RAB3B: variants seen among roughly 807,000 people sequenced by gnomAD.
The protein encoded by RAB3B is RAB3B, member RAS oncogene family.
A neutral mutation model predicts 20.5 loss-of-function variants in RAB3B; 11 were observed. That is an observed-to-expected ratio of 0.54 (90% confidence interval 0.34 to 0.89). RAB3B has a LOEUF of 0.89. Ranked by LOEUF, RAB3B falls within the 40% of genes least tolerant of loss-of-function variation. The pLI, the probability that RAB3B is intolerant of heterozygous loss-of-function variation, is 0.02. For missense variants in RAB3B, 225 were observed against 280.9 expected (o/e 0.80, Z 1.42); for synonymous variants, 99 against 106.3 (o/e 0.93, Z 0.42).
intron 2 of RAB3B, among the ~76,000 whole-genome samples, chr1:51,968,990 TTTAA>T (rs758110532): frequency 1.2e-4 from 18 of 152,222 alleles, no homozygotes; most frequent in Non-Finnish European, 1.6e-4. Flanking sequence ...TATCTATGTC[TTTAA>T]TTATAGTAAG....
chr1:51,932,337 A>G (rs1684337910), intron 4 of RAB3B, among the ~76,000 whole-genome samples: 1 of 152,174 alleles, frequency 6.6e-6, no homozygotes, highest in South Asian at 2.1e-4. Flanking sequence ...CAGTACATCT[A>G]TTCTAGAGGA....
At chr1:51,932,019 C>T (rs1684333739) in intron 4 of RAB3B, among the ~76,000 whole-genome samples, 1 of 152,098 alleles carries the variant, frequency 6.6e-6, no homozygotes, top group East Asian at 1.9e-4. Flanking sequence ...CTCTGAGAAC[C>T]TCTGTGATAG....
intron 2 of RAB3B, among the ~76,000 whole-genome samples, chr1:51,974,496 C>T (rs1236886773): frequency 1.3e-5 from 2 of 152,252 alleles, no homozygotes; most frequent in African/African-American, 4.8e-5. Flanking sequence ...CTAGACGACC[C>T]GTATAGCTTC....
chr1:51,971,890 T>C (rs1393705991), intron 2 of RAB3B, among the ~76,000 whole-genome samples: 1 of 152,182 alleles, frequency 6.6e-6, no homozygotes, highest in Non-Finnish European at 1.5e-5. Flanking sequence ...CAAAACAGTG[T>C]GCAATTTAGG....
intron 4 of RAB3B, among the ~76,000 whole-genome samples, chr1:51,929,185 T>C (rs1420322517): frequency 6.6e-6 from 1 of 152,196 alleles, no homozygotes; most frequent in Non-Finnish European, 1.5e-5. Context: ...AAGCCATGAA[T>C]CTGCCATCAT....
chr1:51,978,498 G>A (rs1685039379), intron 1 of RAB3B, among the ~76,000 whole-genome samples: 1 of 152,118 alleles, frequency 6.6e-6, no homozygotes, highest in Non-Finnish European at 1.5e-5. Flanking sequence ...TTTAATACAT[G>A]CCAGGCCTTT....
intron 2 of RAB3B, among the ~76,000 whole-genome samples, chr1:51,971,055 C>G (rs1285040247): frequency 2.1e-5 from 3 of 145,096 alleles, no homozygotes; most frequent in African/African-American, 7.3e-5. Flanking sequence ...ACCCAGTGAC[C>G]CCTTCCATGT....
At position 51,912,609 on chromosome 1, in the gene RAB3B, T is replaced by C. The variant is rs1684022376; in HGVS notation, c.*7318A>G. ...TATATATATATATATATAAAAAATG[T>C]TACTCCTGTGAGACAGAATGGACTA... is the stretch of plus-strand genomic sequence containing the variant. On this transcript the variant is annotated 3_prime_UTR_variant, in exon 5 of 5. Coordinates refer to ENST00000371655, the MANE Select transcript of RAB3B (RefSeq NM_002867.4). The C allele has an allele frequency of 8.8e-6, 1 of 113,436 alleles. No homozygotes were observed. Among genetic ancestry groups the C allele is most frequent in the African/African-American group, 3.5e-5 (1 of 28,780 alleles). 7.0% of individuals were successfully genotyped at this position (113,436 alleles called of 1,614,324 possible).
chr1:51,950,388 C>A (rs1473280137), intron 2 of RAB3B, among the ~76,000 whole-genome samples: 1 of 152,204 alleles, frequency 6.6e-6, no homozygotes, highest in African/African-American at 2.4e-5. Context: ...GCTATGAGCA[C>A]CCTAAAATCA....
intron 2 of RAB3B, among the ~76,000 whole-genome samples, chr1:51,969,580 T>C (rs1684900198): frequency 6.6e-6 from 1 of 151,694 alleles, no homozygotes; most frequent in African/African-American, 2.4e-5. Context: ...CGGAAGACTT[T>C]AGCCATGGCT....
intron 2 of RAB3B, among the ~76,000 whole-genome samples, chr1:51,956,596 C>T (rs1395122787): frequency 3.9e-5 from 6 of 152,224 alleles, no homozygotes; most frequent in Non-Finnish European, 7.3e-5. Context: ...AGGCCCCAAA[C>T]ATTGTGTTCC....
rs558576638 is a variant in RAB3B at position 51,934,328 on chromosome 1, G to A, written c.348-886C>T. Among the ~76,000 whole-genome samples the A allele has an allele frequency of 3.9e-5, 6 of 152,156 alleles. No individual in the cohort carries two copies. In the East Asian group the frequency reaches 1.2e-3, roughly 29 times the overall value. ...CTGATCCCACAACACCTTGAGGGGA[G>A]CCTCTTCAAGCTTCTCCTAGATCCA... On this transcript the variant is annotated intron_variant, in intron 3 of 4. Coordinates refer to ENST00000371655, the MANE Select transcript of RAB3B (RefSeq NM_002867.4).
chr1:51,989,294 T>C (rs541895639), intron 1 of RAB3B, among the ~76,000 whole-genome samples: 35 of 149,918 alleles, frequency 2.3e-4, no homozygotes, highest in African/African-American at 8.5e-4. Context: ...CCTCCACATC[T>C]CTCTTAGCTT....
intron 2 of RAB3B, among the ~76,000 whole-genome samples, chr1:51,971,184 A>G (rs1684928196): frequency 6.6e-6 from 1 of 152,026 alleles, no homozygotes; most frequent in African/African-American, 2.4e-5. Flanking sequence ...TTAATAGTTG[A>G]AGACATTAAC....
chr1:51,937,820 A>G (rs768570172), intron 2 of RAB3B, among the ~76,000 whole-genome samples: 1 of 152,070 alleles, frequency 6.6e-6, no homozygotes, highest in Non-Finnish European at 1.5e-5. Context: ...AGGAGCATCT[A>G]TTATGTGTCT....
intron 2 of RAB3B, among the ~76,000 whole-genome samples, chr1:51,972,332 T>G (rs1401845482): frequency 1.3e-5 from 2 of 152,142 alleles, no homozygotes; most frequent in Non-Finnish European, 1.5e-5. Flanking sequence ...ATTCTGTAAA[T>G]TCTAGTTCCA....
rs1399278681 is a variant in RAB3B, at chr1:51,909,474, GGTC to G, written c.*10450_*10452del. The G allele has an allele frequency of 6.6e-6, 1 of 152,120 alleles. No individual in the cohort carries two copies. The highest frequency in any genetic ancestry group is 1.9e-4 in the East Asian group (1 of 5,194). 9.4% of individuals were successfully genotyped at this position (152,120 alleles called of 1,614,324 possible). ...GCTGCAAAGTCAGGACTCAAACCCAGGTCTCTGGAATCCTGGTTTTCTGAATGT... is the reference window on the plus strand; with the variant it reads ...GCTGCAAAGTCAGGACTCAAACCCAGTCTGGAATCCTGGTTTTCTGAATGT... On this transcript the variant is annotated 3_prime_UTR_variant, in exon 5 of 5. Transcript: ENST00000371655.
In RAB3B at chr1:51,916,836, G is replaced by A. The variant is rs151100250; in HGVS notation, c.*3091C>T. The stretch of plus-strand genomic sequence containing the variant: ...TCACCTGGGATTAGTCTGAGTAGTT[G>A]AGCAATTTGTTAACAGATTAGAGAT... On this transcript the variant is annotated 3_prime_UTR_variant, in exon 5 of 5. Transcript: ENST00000371655. 7.4e-4 allele frequency: 112 copies of A among 152,322 alleles called. No individual in the cohort carries two copies. The highest frequency in any genetic ancestry group is 2.5e-3 in the African/African-American group (104 of 41,580). The allele number at this position is 152,322 out of a possible 1,614,324, so 9.4% of individuals were successfully genotyped here.
chr1:51,928,720 A>T (rs1184733270), intron 4 of RAB3B, among the ~76,000 whole-genome samples: 1 of 152,074 alleles, frequency 6.6e-6, no homozygotes, highest in Non-Finnish European at 1.5e-5. Context: ...TCCTCATCTC[A>T]TGCTACTCTC....
Sources: gnomAD v4.1 joint callset for allele counts (sites outside exome capture counted in the v4.1 genomes callset) on GRCh38, gnomAD v4.1.1 for gene constraint, MANE v1.5 for transcripts, NCBI Gene and HGNC (gene_info 2026-07-23, HGNC 2026-07-21) for gene names.